CREB5: variants seen among roughly 807,000 people sequenced by gnomAD.
The protein encoded by CREB5 is cyclic AMP-responsive element-binding protein 5.
Under a neutral mutation model 57.1 loss-of-function variants are expected in CREB5, and 19 were observed. That is an observed-to-expected ratio of 0.33 (90% confidence interval 0.23 to 0.49). The LOEUF (loss-of-function observed/expected upper bound fraction) is 0.49. CREB5 is among the 20% of genes least tolerant of loss of function. The pLI is 0.99. For synonymous variants in CREB5, 238 were observed against 238.3 expected, an observed-to-expected ratio of 1.00 and a Z score of 0.01; for missense variants, 579 against 671.6, an observed-to-expected ratio of 0.86 and a Z score of 1.52.
At chr7:28,716,930 C>A (rs1802720827) in intron 5 of CREB5, among the ~76,000 whole-genome samples, 1 of 152,242 alleles carries the variant, frequency 6.6e-6, no homozygotes, top group East Asian at 1.9e-4. Flanking sequence ...TCAAGAAATA[C>A]CCATAGCACT....
chr7:28,406,892 G>T (rs1443508533), intron 1 of CREB5, among the ~76,000 whole-genome samples: 6 of 147,542 alleles, frequency 4.1e-5, no homozygotes, highest in East Asian at 2.1e-4. Flanking sequence ...ATGGGGTAAA[G>T]GTTCCCTTTT....
chr7:28,607,812 T>G (rs1797207550), intron 5 of CREB5, among the ~76,000 whole-genome samples: 1 of 147,230 alleles, frequency 6.8e-6, no homozygotes, highest in African/African-American at 2.5e-5. Flanking sequence ...TGTGCATACT[T>G]GGAAAGATAG....
chr7:28,706,040 G>A (rs1256960360), intron 5 of CREB5, among the ~76,000 whole-genome samples: 6 of 152,092 alleles, frequency 3.9e-5, no homozygotes, highest in Non-Finnish European at 8.8e-5. Flanking sequence ...GCTAATACAG[G>A]CAAAAGTGTG....
chr7:28,547,790 A>T (rs1335563961), intron 4 of CREB5, among the ~76,000 whole-genome samples: 1 of 152,162 alleles, frequency 6.6e-6, no homozygotes, highest in Non-Finnish European at 1.5e-5. Context: ...TTCGGTATGT[A>T]GCTTTGGAAG....
chr7:28,757,413 C>T (rs376699143), intron 7 of CREB5, among the ~76,000 whole-genome samples: 299 of 152,302 alleles, frequency 2.0e-3, no homozygotes, highest in South Asian at 0.016. Flanking sequence ...TGGCTCATGC[C>T]TGTAATCCCA....
intron 4 of CREB5, among the ~76,000 whole-genome samples, chr7:28,534,299 C>T (rs1793861940): frequency 6.6e-6 from 1 of 152,154 alleles, no homozygotes; most frequent in South Asian, 2.1e-4. Flanking sequence ...GATGAGGAGG[C>T]CCTGCCTTCT....
intron 7 of CREB5, among the ~76,000 whole-genome samples, chr7:28,800,907 G>A (rs1459604094): frequency 2.0e-5 from 3 of 152,208 alleles, no homozygotes; most frequent in African/African-American, 7.2e-5. Context: ...GGCATGGCTT[G>A]TGGCACCTTC....
At chr7:28,767,417 G>C (rs1370518389) in intron 7 of CREB5, among the ~76,000 whole-genome samples, 1 of 152,092 alleles carries the variant, frequency 6.6e-6, no homozygotes, top group Non-Finnish European at 1.5e-5. Context: ...TTTGAGCTTT[G>C]CACTATCTTT....
At chr7:28,619,145 C>T (rs1294056621) in intron 5 of CREB5, among the ~76,000 whole-genome samples, 3 of 152,206 alleles carry the variant, frequency 2.0e-5, no homozygotes, top group Middle Eastern at 3.2e-3. Flanking sequence ...AGGCAGATAT[C>T]ATCATTATTG....
intron 5 of CREB5, among the ~76,000 whole-genome samples, chr7:28,576,511 C>T (rs1478863425): frequency 6.6e-6 from 1 of 152,204 alleles, no homozygotes; most frequent in Non-Finnish European, 1.5e-5. Flanking sequence ...GTGGAAGACC[C>T]ATGACTGTGC....
chr7:28,807,223 TGGATCACGAGGTCA>T (rs1808783256), intron 8 of CREB5, among the ~76,000 whole-genome samples: 1 of 151,884 alleles, frequency 6.6e-6, no homozygotes, highest in Admixed American at 6.5e-5. Context: ...CTGAGGCGGG[TGGATCACGAGGTCA>T]GGAGTTCAAG....
chr7:28,318,985 A>G (rs947476827), intron 1 of CREB5, among the ~76,000 whole-genome samples: 8 of 152,154 alleles, frequency 5.3e-5, no homozygotes, highest in Non-Finnish European at 7.4e-5. Flanking sequence ...ACTTCAAGCA[A>G]TTCGACTAAA....
At chr7:28,633,126 A>G (rs1028917133) in intron 5 of CREB5, among the ~76,000 whole-genome samples, 1 of 152,204 alleles carries the variant, frequency 6.6e-6, no homozygotes, top group Non-Finnish European at 1.5e-5. Flanking sequence ...GTTCTTATTT[A>G]CAGATTAGTA....
intron 5 of CREB5, among the ~76,000 whole-genome samples, chr7:28,673,799 A>C (rs1800182262): frequency 6.6e-6 from 1 of 150,892 alleles, no homozygotes; most frequent in African/African-American, 2.4e-5. Flanking sequence ...TCAGCCTCCC[A>C]AGTAGCTGAG....
At chr7:28,516,609 A>G (rs892071500) in intron 4 of CREB5, among the ~76,000 whole-genome samples, 3 of 152,196 alleles carry the variant, frequency 2.0e-5, no homozygotes, top group Admixed American at 6.5e-5. Context: ...GCAGCTGAAA[A>G]TCAGTCCAAG....
At chr7:28,459,875 C>T (rs1276212151) in intron 1 of CREB5, among the ~76,000 whole-genome samples, 1 of 152,192 alleles carries the variant, frequency 6.6e-6, no homozygotes, top group African/African-American at 2.4e-5. Flanking sequence ...ATCCTTACCA[C>T]AGTCTTACAA....
chr7:28,787,793 A>G (rs139949416), intron 7 of CREB5, among the ~76,000 whole-genome samples: 3 of 152,258 alleles, frequency 2.0e-5, no homozygotes, highest in African/African-American at 7.2e-5. Context: ...GGCTCAAGCA[A>G]TCTTCGCACC....
chr7:28,332,332 T>C (rs1785732435), intron 1 of CREB5, among the ~76,000 whole-genome samples: 1 of 152,192 alleles, frequency 6.6e-6, no homozygotes, highest in Admixed American at 6.5e-5. Flanking sequence ...TTAGAAGTAA[T>C]TTGTTATGGC....
At chr7:28,328,374 C>G (rs1384153972) in intron 1 of CREB5, among the ~76,000 whole-genome samples, 1 of 152,196 alleles carries the variant, frequency 6.6e-6, no homozygotes, top group African/African-American at 2.4e-5. Flanking sequence ...TGTGTCTCAA[C>G]TGTCATTTTT....
Sources: allele counts gnomAD v4.1 joint callset (sites outside exome capture counted in the v4.1 genomes callset), GRCh38; gene constraint gnomAD v4.1.1; transcripts MANE v1.5; gene names NCBI Gene and HGNC (gene_info 2026-07-23, HGNC 2026-07-21).